Variants in RUBCNL observed in about 807,000 individuals in gnomAD.
The protein encoded by RUBCNL is protein associated with UVRAG as autophagy enhancer.
In RUBCNL, 62 loss-of-function variants were observed where a neutral mutation model predicts 69.5. The observed-to-expected ratio is 0.89, with a 90% confidence interval of 0.73 to 1.10. The LOEUF is 1.10. Among genes scored for constraint, RUBCNL ranks in the 50% least tolerant of loss-of-function variants. RUBCNL has a pLI of 0.00. For missense variants in RUBCNL, 768 were observed against 798.1 expected, an observed-to-expected ratio of 0.96 and a Z score of 0.45; for synonymous variants, 291 against 303.6, an observed-to-expected ratio of 0.96 and a Z score of 0.43.
upstream of RUBCNL, among the ~76,000 whole-genome samples, chr13:46,389,009 A>G (rs146717167): frequency 3.6e-4 from 55 of 152,360 alleles, no homozygotes; most frequent in East Asian, 0.011. This position sits in a 1 kb window ranked among gnomAD's most constrained non-coding sequence, Gnocchi z 4.2. Flanking sequence ...TTCCAAATAC[A>G]GTATCCCAGG....
At chr13:46,369,875 T>C (rs2048840350) in intron 3 of RUBCNL, among the ~76,000 whole-genome samples, 1 of 152,236 alleles carries the variant, frequency 6.6e-6, no homozygotes, top group Non-Finnish European at 1.5e-5. Context: ...AAGAAAGTAG[T>C]TGTTGCATGG....
intron 1 of RUBCNL, among the ~76,000 whole-genome samples, chr13:46,383,818 GAAT>G (rs1269692207): frequency 6.6e-6 from 1 of 152,182 alleles, no homozygotes; most frequent in Non-Finnish European, 1.5e-5. Context: ...CACATGGAGT[GAAT>G]AATGAATTGT....
intron 9 of RUBCNL, among the ~76,000 whole-genome samples, chr13:46,358,006 T>C (rs1422611426): frequency 1.3e-5 from 2 of 152,206 alleles, no homozygotes; most frequent in Admixed American, 1.3e-4. Context: ...TTGTAAAATT[T>C]GTTTACAGTT....
chr13:46,347,648 A>T (rs995888681), intron 12 of RUBCNL, among the ~76,000 whole-genome samples: 49 of 152,160 alleles, frequency 3.2e-4, no homozygotes, highest in Admixed American at 8.5e-4. Context: ...TAGATGGATT[A>T]AAAAAATGTA....
rs904878284 is a variant in RUBCNL, at chr13:46,339,034, G to A, written c.*4351C>T. 2.2e-5 allele frequency among the ~76,000 whole-genome samples: 3 copies of A among 139,468 alleles called. No individual in the cohort carries two copies. Among genetic ancestry groups the A allele is most frequent in the Non-Finnish European group, 4.6e-5 (3 of 64,640 alleles). The allele number at this position is 139,468 out of a possible 152,430, so 91.5% of individuals were successfully genotyped here. ...TGCACTCCAGCCTGGGCGACAGAGC[G>A]AGACCCTGTCTCAAAAAAAAAAAAA... On this transcript the variant is annotated 3_prime_UTR_variant, in exon 15 of 15. Transcript: ENST00000429979.
At chr13:46,376,870 T>C (rs2049005826) in intron 2 of RUBCNL, among the ~76,000 whole-genome samples, 1 of 152,242 alleles carries the variant, frequency 6.6e-6, no homozygotes, top group South Asian at 2.1e-4. Context: ...CATTATGTCT[T>C]GAGGGTCTAT....
chr13:46,379,374 C>A (rs1235027903), intron 1 of RUBCNL, among the ~76,000 whole-genome samples: 1 of 152,174 alleles, frequency 6.6e-6, no homozygotes, highest in African/African-American at 2.4e-5. Flanking sequence ...CCGCAGGCGG[C>A]CGAGGGCACT....
chr13:46,365,978 G>A (rs774440765), intron 5 of RUBCNL, among the ~76,000 whole-genome samples: 1 of 152,224 alleles, frequency 6.6e-6, no homozygotes, highest in Admixed American at 6.5e-5. Context: ...TACTGCAGCG[G>A]GCCAGGTAAG....
At chr13:46,354,046 A>T (rs182480847) in intron 10 of RUBCNL, among the ~76,000 whole-genome samples, 119 of 152,212 alleles carry the variant, frequency 7.8e-4, no homozygotes, top group Non-Finnish European at 1.5e-3. Context: ...GCCATAAATG[A>T]TACCTTAAGA....
chr13:46,359,420 G>A (rs1183008507), intron 9 of RUBCNL, 66 bp downstream of exon 9: 1 of 1,395,854 alleles, frequency 7.2e-7, no homozygotes, highest in Non-Finnish European at 9.7e-7. Context: ...CTGCCATAGA[G>A]TCAGGTGGGA....
rs1409055511 is a variant in RUBCNL at position 46,347,852 on chromosome 13, A to G, written c.1631+1434T>C. 7.2e-5 allele frequency among the ~76,000 whole-genome samples: 11 copies of G among 152,132 alleles called. No individual in the cohort carries two copies. The East Asian group carries it at 2.1e-3, about 29-fold the overall frequency. ...TAAAAACACACAAAAAATTAGCCGG[A>G]TGTGGTTGCGGGCGCCTGTAGTCCC... On this transcript the variant is annotated intron_variant, in intron 12 of 14. Transcript: ENST00000429979.
rs1441849809 is a variant in RUBCNL at position 46,387,154 on chromosome 13, G to GAACGCTGCGCTGGGTA, written c.-275_-260dup. ...CTCACCCAGCCAAACCCGAGCGGTG[G>GAACGCTGCGCTGGGTA]AACGCTGCGCTGGGTAAACGCCGCG... On this transcript the variant is annotated 5_prime_UTR_variant, in exon 1 of 15. Transcript: ENST00000429979. 1.0e-6 allele frequency: 1 copy of GAACGCTGCGCTGGGTA among 985,294 alleles called. No homozygotes were observed. 61.0% of individuals were successfully genotyped at this position (985,294 alleles called of 1,614,324 possible).
intron 9 of RUBCNL, 34 bp from the exon 10 acceptor site, chr13:46,356,530 G>A (rs1215875771): frequency 6.3e-7 from 1 of 1,589,262 alleles, no homozygotes; most frequent in Middle Eastern, 1.7e-4. Flanking sequence ...TTACATTTCA[G>A]AGAAGGCCAA....
Position 46,368,800 on chromosome 13 carries a change from C to T in RUBCNL, c.551G>A (p.Ser184Asn). 6.2e-7 allele frequency: 1 copy of T among 1,613,516 alleles called. No individual in the cohort carries two copies. The highest frequency in any genetic ancestry group is 1.1e-5 in the South Asian group (1 of 90,984). The change falls in exon 4 of 15, where the codon AGT (serine) becomes AAT (asparagine). Residue 184 changes from serine (S) to asparagine (N), a missense_variant. Ser to Asn is a conservative substitution (Grantham distance 46). Transcript: ENST00000429979. ...GGAATTCGAAGAAATGGTTCTTCTA[C>T]TGACTTGAACAGCACCTGCCAATAT... ...SAADEGAVQV[S>N]RRTISSNSFS...
chr13:46,345,240 T>C (rs1040250715), intron 13 of RUBCNL, among the ~76,000 whole-genome samples: 1 of 152,170 alleles, frequency 6.6e-6, no homozygotes, highest in African/African-American at 2.4e-5. Context: ...ATGAAGTCCA[T>C]TGGTCCAGGC....
intron 12 of RUBCNL, among the ~76,000 whole-genome samples, chr13:46,347,948 G>A (rs551518007): frequency 2.0e-5 from 3 of 152,028 alleles, no homozygotes; most frequent in African/African-American, 4.8e-5. Flanking sequence ...AGCCGAGATC[G>A]CGCCACTGCA....
chr13:46,372,697 G>T, intron 2 of RUBCNL, 100 bp from the exon 3 acceptor site: 1 of 1,110,826 alleles, frequency 9.0e-7, no homozygotes, highest in Non-Finnish European at 1.2e-6. Context: ...TTAGAAGTCT[G>T]TACTTGGCTC....
At chr13:46,387,742 A>G (rs550842166), upstream of RUBCNL, 49 of 985,556 alleles carry the variant, frequency 5.0e-5, no homozygotes, top group African/African-American at 7.5e-4. Flanking sequence ...AGTCCGACTC[A>G]TGTAGCACTT....
chr13:46,368,951 G>C (rs986513092), intron 3 of RUBCNL, 136 bp from the exon 4 acceptor site: 2 of 651,120 alleles, frequency 3.1e-6, no homozygotes, highest in Non-Finnish European at 5.3e-6. Context: ...TCAGATGACA[G>C]GAAAAGAAAG....
Sources: allele counts gnomAD v4.1 joint callset (sites outside exome capture counted in the v4.1 genomes callset), GRCh38; gene constraint gnomAD v4.1.1; non-coding constraint Gnocchi (gnomAD v3.1); transcripts MANE v1.5; gene names NCBI Gene and HGNC (gene_info 2026-07-23, HGNC 2026-07-21).